The following ITPR1 variants were observed in gnomAD, a reference collection of about 807,000 sequenced individuals.
ITPR1 encodes inositol 1,4,5-trisphosphate-gated calcium channel ITPR1.
ITPR1 carries 96 observed loss-of-function variants against 318.4 expected under a neutral mutation model. The observed-to-expected ratio is 0.30, with a 90% CI of 0.26 to 0.36. The LOEUF (loss-of-function observed/expected upper bound fraction) is 0.36. Among genes scored for constraint, ITPR1 ranks in the 10% least tolerant of loss-of-function variants. The pLI is 1.00. For synonymous variants in ITPR1, 1,312 were observed against 1,289.9 expected (o/e 1.02, Z -0.37); for missense variants, 2,440 against 3,460.2 (o/e 0.71, Z 7.40).
chr3:4,600,751 G>A (rs1232263050), intron 4 of ITPR1, among the ~76,000 whole-genome samples: 1 of 152,086 alleles, frequency 6.6e-6, no homozygotes, highest in Non-Finnish European at 1.5e-5. Flanking sequence ...GGTCACATGA[G>A]CTAATTTCCT....
At chr3:4,778,479 C>A (rs2125391527) in intron 48 of ITPR1, among the ~76,000 whole-genome samples, 1 of 152,314 alleles carries the variant, frequency 6.6e-6, no homozygotes, top group East Asian at 1.9e-4. Flanking sequence ...ACACAGAAAC[C>A]TGTGGGAATG....
At chr3:4,755,388 T>C (rs2044886139) in intron 44 of ITPR1, among the ~76,000 whole-genome samples, 1 of 138,120 alleles carries the variant, frequency 7.2e-6, no homozygotes. Flanking sequence ...AGGTGTTTTT[T>C]CCCCCAATTA....
chr3:4,784,017 A>G (rs2047002966), intron 51 of ITPR1, 97 bp downstream of exon 51: 3 of 824,344 alleles, frequency 3.6e-6, no homozygotes, highest in Admixed American at 2.3e-5. Context: ...CATCTGAGCA[A>G]TGGAAATGTG....
chr3:4,541,123 C>A (rs1273943768), intron 4 of ITPR1, among the ~76,000 whole-genome samples: 1 of 151,806 alleles, frequency 6.6e-6, no homozygotes, highest in African/African-American at 2.4e-5. Context: ...GATGTTAGTG[C>A]TTTGTTTTAT....
chr3:4,508,371 T>C (rs1176803682), intron 2 of ITPR1, among the ~76,000 whole-genome samples: 1 of 152,112 alleles, frequency 6.6e-6, no homozygotes, highest in East Asian at 1.9e-4. Context: ...GGTAACTTAT[T>C]GGTTAATGAA....
At chr3:4,770,403 A>G (rs1034815598) in intron 46 of ITPR1, among the ~76,000 whole-genome samples, 3 of 152,258 alleles carry the variant, frequency 2.0e-5, no homozygotes, top group African/African-American at 7.2e-5. Context: ...TTGAATTTTC[A>G]ATCAGATTGA....
chr3:4,771,930 C>A (rs902543605), intron 46 of ITPR1, among the ~76,000 whole-genome samples: 1 of 151,926 alleles, frequency 6.6e-6, no homozygotes, highest in African/African-American at 2.4e-5. Flanking sequence ...ACCTACGAGA[C>A]CCCTGGGATG....
intron 9 of ITPR1, 30 bp downstream of exon 9, chr3:4,645,500 T>A: frequency 6.2e-7 from 1 of 1,604,510 alleles, no homozygotes; most frequent in Non-Finnish European, 8.5e-7. Context: ...GGCTGAGCAT[T>A]ACTTGGCTCT....
chr3:4,825,709 A>C (rs1433100653), intron 60 of ITPR1: 2 of 456,606 alleles, frequency 4.4e-6, no homozygotes, highest in Non-Finnish European at 8.8e-6. Flanking sequence ...GCGTGTCACT[A>C]CCTTCTGTTT....
chr3:4,690,594 A>G (rs1281483296), intron 31 of ITPR1, among the ~76,000 whole-genome samples: 1 of 152,202 alleles, frequency 6.6e-6, no homozygotes, highest in African/African-American at 2.4e-5. Flanking sequence ...TAGACCCAAA[A>G]GAAGTATGGG....
At chr3:4,615,005 A>C (rs1435139693) in intron 4 of ITPR1, among the ~76,000 whole-genome samples, 1 of 152,224 alleles carries the variant, frequency 6.6e-6, no homozygotes. Flanking sequence ...AAACTGTTCA[A>C]GAATATTGTA....
chr3:4,496,610 A>G (rs1312008784), intron 2 of ITPR1, among the ~76,000 whole-genome samples: 1 of 152,252 alleles, frequency 6.6e-6, no homozygotes, highest in Admixed American at 6.5e-5. Flanking sequence ...GATGAACTCC[A>G]CAGAAAGATC....
At position 4,698,656 on chromosome 3, in the gene ITPR1, C is replaced by T. The variant is rs570843396; in HGVS notation, c.4408-1157C>T. On this transcript the variant is annotated intron_variant, in intron 34 of 61. Transcript: ENST00000649015. The stretch of plus-strand genomic sequence containing the variant: ...AGATAATTACTGGCCCTGATTTTGC[C>T]GATCCTTGCATTAAATTACTTAGAA... Among the ~76,000 whole-genome samples, 6 of 152,148 alleles carry T rather than the reference C, an allele frequency of 3.9e-5. No individual in the cohort carries two copies. In the East Asian group the frequency reaches 5.8e-4, roughly 15 times the overall value.
rs1371620068 is a variant in ITPR1, at chr3:4,800,259, A to C, written c.6932-166A>C. 3 of 597,890 alleles carry C rather than the reference A, an allele frequency of 5.0e-6. No individual in the cohort carries two copies. In the East Asian group the frequency reaches 9.7e-5, roughly 19 times the overall value. The allele number at this position is 597,890 out of a possible 1,614,324, so 37.0% of individuals were successfully genotyped here. A position where few individuals can be genotyped will look rare whatever the true frequency, so the allele number is the denominator to read the frequency against. On this transcript the variant is annotated intron_variant, in intron 53 of 61. Transcript: ENST00000649015. The stretch of plus-strand genomic sequence containing the variant: ...TGTGTGGAGGCTTGGAGGTCAAAAA[A>C]TGCTGATGGGACTGGTTATGGATGG...
intron 4 of ITPR1, among the ~76,000 whole-genome samples, chr3:4,604,233 T>G (rs1016332172): frequency 1.3e-5 from 2 of 152,142 alleles, no homozygotes; most frequent in Non-Finnish European, 2.9e-5. Context: ...GGAAGACTTC[T>G]GTGCTGGCAA....
At chr3:4,641,755 G>A (rs936392802) in intron 6 of ITPR1, among the ~76,000 whole-genome samples, 1 of 152,212 alleles carries the variant, frequency 6.6e-6, no homozygotes, top group Non-Finnish European at 1.5e-5. Context: ...ATGCCACACT[G>A]CAGTTCCTTA....
intron 30 of ITPR1, among the ~76,000 whole-genome samples, chr3:4,687,726 A>G (rs780790492): frequency 1.3e-5 from 2 of 152,358 alleles, no homozygotes; most frequent in South Asian, 2.1e-4. Flanking sequence ...ACTCTAAAAT[A>G]CTGAGTTTAT....
At chr3:4,830,824 T>TC (rs1559973232) in intron 60 of ITPR1, 5 of 407,596 alleles carry the variant, frequency 1.2e-5, no homozygotes, top group South Asian at 6.9e-5. Flanking sequence ...ACCCATCTTC[T>TC]CCCCCATGAC....
chr3:4,575,010 T>C (rs995779877), intron 4 of ITPR1, among the ~76,000 whole-genome samples: 10 of 152,262 alleles, frequency 6.6e-5, no homozygotes, highest in African/African-American at 2.2e-4. Flanking sequence ...TTGTACTGGA[T>C]GGTGCTTACA....
Sources: gnomAD v4.1 joint callset for allele counts (sites outside exome capture counted in the v4.1 genomes callset) on GRCh38, gnomAD v4.1.1 for gene constraint, MANE v1.5 for transcripts, NCBI Gene and HGNC (gene_info 2026-07-23, HGNC 2026-07-21) for gene names.